The following COG7 variants were observed in gnomAD, a reference collection of about 807,000 sequenced individuals.
COG7 encodes conserved oligomeric Golgi complex subunit 7.
COG7 carries 49 observed loss-of-function variants against 91.5 expected under a neutral mutation model. That is an observed-to-expected ratio of 0.54 (90% CI 0.43 to 0.68). The LOEUF (loss-of-function observed/expected upper bound fraction) is 0.68. Ranked by LOEUF, COG7 falls within the 30% of genes least tolerant of loss-of-function variation. The pLI, the probability that COG7 is intolerant of heterozygous loss-of-function variation, is 0.00. For missense variants in COG7, 895 were observed against 961.3 expected (o/e 0.93, Z 0.91); for synonymous variants, 365 against 388.7 (o/e 0.94, Z 0.72).
chr16:23,408,497 T>C, intron 11 of COG7, among the ~76,000 whole-genome samples: 1 of 150,402 alleles, frequency 6.6e-6, no homozygotes, highest in Admixed American at 6.6e-5. Flanking sequence ...CTAAGGAAGG[T>C]CTGTGCTCTT....
At chr16:23,412,693 T>G (rs1222570084) in intron 10 of COG7, 1 of 152,206 alleles carries the variant, frequency 6.6e-6, no homozygotes. Flanking sequence ...TCACTGAACC[T>G]TTTTTGTTTT....
intron 4 of COG7, among the ~76,000 whole-genome samples, chr16:23,434,948 T>C (rs1184747881): frequency 6.6e-6 from 1 of 152,226 alleles, no homozygotes; most frequent in Non-Finnish European, 1.5e-5. Flanking sequence ...TATTTTAACA[T>C]GATACTGAGA....
rs60053931 is a variant in COG7 at position 23,416,669 on chromosome 16, A to G, written c.1292+298T>C. 1,541 of 427,418 alleles carry G rather than the reference A, an allele frequency of 3.6e-3. 20 individuals carry two copies. The highest frequency in any genetic ancestry group is 0.028 in the African/African-American group (1,401 of 49,962). 26.5% of individuals were successfully genotyped at this position (427,418 alleles called of 1,614,324 possible). A position where few individuals can be genotyped will look rare whatever the true frequency, so the allele number is the denominator to read the frequency against. On this transcript the variant is annotated intron_variant, in intron 9 of 16. Coordinates refer to ENST00000307149, the MANE Select transcript of COG7 (RefSeq NM_153603.4). ...TTCTTGTTCAAATAAACTTTGTTAA[A>G]TTTAACTTGTCTAAGGTTTCTTTTT...
chr16:23,448,178 C>T (rs1024680281), intron 1 of COG7, among the ~76,000 whole-genome samples: 1 of 152,118 alleles, frequency 6.6e-6, no homozygotes, highest in Non-Finnish European at 1.5e-5. Context: ...AGCTTTAAAC[C>T]TATGAAGGCT....
intron 1 of COG7, chr16:23,446,388 T>TA (rs538780655): frequency 3.3e-5 from 8 of 245,458 alleles, no homozygotes; most frequent in Non-Finnish European, 6.3e-5. Flanking sequence ...CCCAAGATCT[T>TA]ACAGAGCTAA....
At chr16:23,404,254 G>T (rs1251301412) in intron 12 of COG7, among the ~76,000 whole-genome samples, 4 of 152,226 alleles carry the variant, frequency 2.6e-5, no homozygotes, top group South Asian at 4.1e-4. Context: ...TTCCCGGGGA[G>T]GTCAGGTCAA....
intron 4 of COG7, among the ~76,000 whole-genome samples, chr16:23,436,342 G>C (rs896109004): frequency 4.6e-5 from 7 of 152,150 alleles, no homozygotes; most frequent in African/African-American, 2.4e-5. Context: ...AAAATGAACT[G>C]GGCATGTATA....
At chr16:23,444,085 G>T (rs1727395234) in intron 3 of COG7, among the ~76,000 whole-genome samples, 1 of 151,202 alleles carries the variant, frequency 6.6e-6, no homozygotes, top group Non-Finnish European at 1.5e-5. Context: ...CCAGGAAGTG[G>T]AGGTATCATG....
chr16:23,418,536 G>T (rs1385004194), intron 8 of COG7, among the ~76,000 whole-genome samples, 164 bp downstream of exon 8: 2 of 152,222 alleles, frequency 1.3e-5, no homozygotes, highest in Admixed American at 1.3e-4. Flanking sequence ...AAAATTGGTA[G>T]CAAATATATG....
At chr16:23,427,127 C>T (rs1007829890) in intron 6 of COG7, among the ~76,000 whole-genome samples, 3 of 151,964 alleles carry the variant, frequency 2.0e-5, no homozygotes, top group East Asian at 1.9e-4. Flanking sequence ...GGTGTGCACC[C>T]GTAGTCCCAG....
intron 14 of COG7, among the ~76,000 whole-genome samples, chr16:23,394,520 T>TC (rs1338575494): frequency 2.6e-5 from 4 of 152,228 alleles, no homozygotes; most frequent in African/African-American, 9.6e-5. Context: ...GTTTTTTTTT[T>TC]CTTCCTGCTA....
intron 9 of COG7, 118 bp downstream of exon 9, chr16:23,416,849 G>C (rs918026874): frequency 8.8e-7 from 1 of 1,140,006 alleles, no homozygotes; most frequent in Non-Finnish European, 1.3e-6. Flanking sequence ...ACATCCTCTT[G>C]GGTTCAGGTG....
At chr16:23,445,018 T>C in intron 3 of COG7, 30 bp downstream of exon 3, 1 of 1,515,686 alleles carries the variant, frequency 6.6e-7, no homozygotes, top group Non-Finnish European at 9.2e-7. Flanking sequence ...TTAAATACCT[T>C]TCATAACATC....
intron 1 of COG7, among the ~76,000 whole-genome samples, chr16:23,449,769 C>T (rs934799140): frequency 1.3e-5 from 2 of 150,500 alleles, no homozygotes; most frequent in Non-Finnish European, 3.0e-5. Context: ...AAAAAAAAAC[C>T]TCCCACCAAT....
At position 23,445,935 on chromosome 16, in the gene COG7, T is replaced by C. The variant is rs746857300; in HGVS notation, c.196A>G (p.Met66Val). Residue 66 changes from methionine to valine, a missense_variant, in exon 2 of 17, where the codon ATG (methionine) becomes GTG (valine). Transcript: ENST00000307149. ...EETSHQALQN[M>V]PKVLRDVEAL... ...TCAACATCACGGAGCACTTTGGGCA[T>C]GTTCTGGAGAGCTTGGTGACTTGTT... 3.7e-6 allele frequency: 6 copies of C among 1,612,052 alleles called. No homozygotes were observed. In the South Asian group the frequency reaches 6.6e-5, roughly 18 times the overall value.
At position 23,452,814 on chromosome 16, in the gene COG7, C is replaced by T. The variant is rs1179604279; in HGVS notation, c.169+12G>A. On this transcript the variant is annotated intron_variant, in intron 1 of 16. Coordinates refer to ENST00000307149, the MANE Select transcript of COG7 (RefSeq NM_153603.4). ...GGGGAGGGTCCCGCGGCCAGGGCCCCGAGCGGCTCACCCTCCACGGCGTGG... is the reference window on the plus strand; with the variant it reads ...GGGGAGGGTCCCGCGGCCAGGGCCCTGAGCGGCTCACCCTCCACGGCGTGG... 3.7e-6 allele frequency: 6 copies of T among 1,608,230 alleles called. No individual in the cohort carries two copies. The highest frequency in any genetic ancestry group is 5.1e-6 in the Non-Finnish European group (6 of 1,178,056).
chr16:23,452,523 A>C (rs887401401), intron 1 of COG7, among the ~76,000 whole-genome samples: 9 of 152,170 alleles, frequency 5.9e-5, no homozygotes, highest in African/African-American at 2.2e-4. Flanking sequence ...GCTATGATCG[A>C]GCCACTGTAG....
At chr16:23,430,490 T>C (rs1261486089) in intron 6 of COG7, among the ~76,000 whole-genome samples, 2 of 151,480 alleles carry the variant, frequency 1.3e-5, no homozygotes, top group Non-Finnish European at 2.9e-5. Flanking sequence ...AAGTAAACAT[T>C]GAACTCTAGT....
chr16:23,409,441 C>T (rs1694081846), intron 11 of COG7, among the ~76,000 whole-genome samples: 2 of 152,250 alleles, frequency 1.3e-5, no homozygotes, highest in South Asian at 2.1e-4. Context: ...TCCTAGCACC[C>T]ATTACTTACT....
Sources: gnomAD v4.1 joint callset for allele counts (sites outside exome capture counted in the v4.1 genomes callset) on GRCh38, gnomAD v4.1.1 for gene constraint, MANE v1.5 for transcripts, NCBI Gene and HGNC (gene_info 2026-07-23, HGNC 2026-07-21) for gene names.